GCLM: variants seen among roughly 807,000 people sequenced by gnomAD.
The protein encoded by GCLM is glutamate-cysteine ligase modifier subunit.
Under a neutral mutation model 36.0 loss-of-function variants are expected in GCLM, and 15 were observed. That is an observed-to-expected ratio of 0.42 (90% confidence interval 0.28 to 0.64). The LOEUF (loss-of-function observed/expected upper bound fraction) is 0.64. Ranked by LOEUF, GCLM falls within the 30% of genes least tolerant of loss-of-function variation. The pLI, the probability that GCLM is intolerant of heterozygous loss-of-function variation, is 0.25. For missense variants in GCLM, 242 were observed against 325.5 expected (o/e 0.74, Z 1.97); for synonymous variants, 129 against 122.8 (o/e 1.05, Z -0.34).
At chr1:93,900,293 G>T (rs1347116141) in intron 3 of GCLM, among the ~76,000 whole-genome samples, 1 of 152,122 alleles carries the variant, frequency 6.6e-6, no homozygotes, top group Admixed American at 6.6e-5. Context: ...TTTTGGATAG[G>T]TAGAAAGAGG....
At chr1:93,898,489 T>A (rs983696020) in intron 3 of GCLM, among the ~76,000 whole-genome samples, 1 of 152,072 alleles carries the variant, frequency 6.6e-6, no homozygotes, top group African/African-American at 2.4e-5. Flanking sequence ...TATTTAGTTA[T>A]CTTAAAATTT....
Position 93,896,839 on chromosome 1 carries a change from C to G in GCLM, c.338-19G>C. 1.4e-6 allele frequency: 2 copies of G among 1,413,870 alleles called. No individual in the cohort carries two copies. Among genetic ancestry groups the G allele is most frequent in the Non-Finnish European group, 2.0e-6 (2 of 997,778 alleles). The allele number at this position is 1,413,870 out of a possible 1,614,324, so 87.6% of individuals were successfully genotyped here. A position where few individuals can be genotyped will look rare whatever the true frequency, so the allele number is the denominator to read the frequency against. On this transcript the variant is annotated intron_variant, in intron 4 of 6. Transcript: ENST00000370238. The stretch of plus-strand genomic sequence containing the variant: ...GAACAGGCTGATAGGAAGGAAGACA[C>G]AAAGAAAATAAATGCTTACATCATA...
chr1:93,895,287 C>A (rs1045383992), intron 5 of GCLM, among the ~76,000 whole-genome samples: 27 of 151,852 alleles, frequency 1.8e-4, no homozygotes, highest in African/African-American at 5.3e-4. Context: ...AAGTGCTGGG[C>A]TTACAGGCAT....
At chr1:93,902,202 G>C (rs945973204) in intron 2 of GCLM, among the ~76,000 whole-genome samples, 5 of 152,126 alleles carry the variant, frequency 3.3e-5, no homozygotes, top group African/African-American at 1.2e-4. Context: ...TTTTGAGACA[G>C]AGTCTCGCTC....
rs140600912 is a variant in GCLM at position 93,898,850 on chromosome 1, C to T, written c.278-952G>A. Among the ~76,000 whole-genome samples the T allele has an allele frequency of 2.0e-5, 3 of 152,164 alleles. No individual in the cohort carries two copies. The East Asian group carries it at 5.8e-4, about 29-fold the overall frequency. Reference sequence around the variant, plus strand: ...TGTTGCCCAGGGGCTCTTGAACTCCCGGTCTCAAACAATCTTCCCAAGGTG... The same window carrying T: ...TGTTGCCCAGGGGCTCTTGAACTCCTGGTCTCAAACAATCTTCCCAAGGTG... On this transcript the variant is annotated intron_variant, in intron 3 of 6. Transcript: ENST00000370238.
rs754217749 is a variant in GCLM at position 93,901,655 on chromosome 1, G to A, written c.207C>T (p.Val69=). 1 of 1,535,842 alleles carries A rather than the reference G, an allele frequency of 6.5e-7. No individual in the cohort carries two copies. The highest frequency in any genetic ancestry group is 9.0e-7 in the Non-Finnish European group (1 of 1,112,900). ...NPDLVREFPD[V]LECTVSHAVE... ...CTGCATGAGATACAGTGCATTCCAA[G>A]ACATCTGGAAACTCCTATAATAAAC... is the stretch of plus-strand genomic sequence containing the variant. Residue 69 remains valine (V), a synonymous_variant, in exon 3 of 7, where the codon GTC becomes GTT. Transcript: ENST00000370238.
chr1:93,895,909 A>G (rs539985108), intron 5 of GCLM, among the ~76,000 whole-genome samples: 22 of 152,142 alleles, frequency 1.4e-4, no homozygotes, highest in Admixed American at 1.1e-3. Context: ...TCCCTTACTT[A>G]GGAAATTAGA....
chr1:93,900,979 C>T (rs1656927817), intron 3 of GCLM, among the ~76,000 whole-genome samples: 1 of 152,154 alleles, frequency 6.6e-6, no homozygotes, highest in Admixed American at 6.5e-5. Context: ...TTATACTAGC[C>T]TGTAATCTGC....
Position 93,894,732 on chromosome 1 carries a change from G to C in GCLM, c.541-4C>G. ...CTTGGTTACTATTTGGTTTTACCTA[G>C]AAGTGAAAATAAAATCATGATATCA... On this transcript the variant is annotated splice_polypyrimidine_tract_variant and splice_region_variant and intron_variant, in intron 5 of 6. Coordinates refer to ENST00000370238, the MANE Select transcript of GCLM (RefSeq NM_002061.4). The C allele has an allele frequency of 3.5e-6, 5 of 1,448,564 alleles. No individual in the cohort carries two copies. The highest frequency in any genetic ancestry group is 4.9e-6 in the Non-Finnish European group (5 of 1,030,094). 89.7% of individuals were successfully genotyped at this position (1,448,564 alleles called of 1,614,324 possible). A position where few individuals can be genotyped will look rare whatever the true frequency, so the allele number is the denominator to read the frequency against.
intron 2 of GCLM, 107 bp downstream of exon 2, chr1:93,904,416 T>C (rs1657070445): frequency 1.3e-6 from 1 of 742,398 alleles, no homozygotes; most frequent in African/African-American, 1.7e-5. Flanking sequence ...AGAGAGTTTA[T>C]GGCTAATTGC....
chr1:93,888,373 A>G lies in GCLM; in HGVS notation c.*617T>C, dbSNP rs1038807872. ...TCTTTATAAGTAATAAAAAGACAGA[A>G]TATGGCACAAGAATACAAGGTTAAA... On this transcript the variant is annotated 3_prime_UTR_variant, in exon 7 of 7. Coordinates refer to ENST00000370238, the MANE Select transcript of GCLM (RefSeq NM_002061.4). 1 of 152,222 alleles carries G rather than the reference A, an allele frequency of 6.6e-6. No individual in the cohort carries two copies. Among genetic ancestry groups the G allele is most frequent in the Non-Finnish European group, 1.5e-5 (1 of 68,028 alleles). 9.4% of individuals were successfully genotyped at this position (152,222 alleles called of 1,614,324 possible). A position where few individuals can be genotyped will look rare whatever the true frequency, so the allele number is the denominator to read the frequency against.
At position 93,886,669 on chromosome 1, in the gene GCLM, A is replaced by G. The variant is rs943670493; in HGVS notation, c.*2321T>C. ...AAAAGCTCTGCTGAAGTTTAGATAC[A>G]TTAGCAACTAAGTTTTTTTTTCCCC... On this transcript the variant is annotated 3_prime_UTR_variant, in exon 7 of 7. Transcript: ENST00000370238. 2.9e-5 allele frequency: 4 copies of G among 138,720 alleles called. No homozygotes were observed. The highest frequency in any genetic ancestry group is 1.5e-5 in the Non-Finnish European group (1 of 65,660). The allele number at this position is 138,720 out of a possible 1,614,324, so 8.6% of individuals were successfully genotyped here. A position where few individuals can be genotyped will look rare whatever the true frequency, so the allele number is the denominator to read the frequency against.
intron 6 of GCLM, among the ~76,000 whole-genome samples, chr1:93,892,906 G>A (rs114250934): frequency 2.0e-5 from 3 of 152,178 alleles, no homozygotes; most frequent in Non-Finnish European, 4.4e-5. Flanking sequence ...AAAGTAAACA[G>A]ACACATGACA....
chr1:93,893,989 G>A (rs1002742986), intron 6 of GCLM, among the ~76,000 whole-genome samples: 4 of 152,118 alleles, frequency 2.6e-5, no homozygotes, highest in African/African-American at 9.7e-5. Flanking sequence ...CAGGCACAGT[G>A]GCTCATGCCT....
chr1:93,887,798 A>G lies in GCLM; in HGVS notation c.*1192T>C, dbSNP rs1656377398. ...ACAAGAGATTTTTAAAGAAGTTTTC[A>G]AACTATTCAGGTTACAGACACAAAT... On this transcript the variant is annotated 3_prime_UTR_variant, in exon 7 of 7. Coordinates refer to ENST00000370238, the MANE Select transcript of GCLM (RefSeq NM_002061.4). The G allele has an allele frequency of 6.6e-6, 1 of 152,142 alleles. No individual in the cohort carries two copies. The highest frequency in any genetic ancestry group is 2.4e-5 in the African/African-American group (1 of 41,436). 9.4% of individuals were successfully genotyped at this position (152,142 alleles called of 1,614,324 possible).
Position 93,907,920 on chromosome 1 carries a change from G to GAGCA in GCLM, c.126+1114_126+1117dup, listed in dbSNP as rs545408175. On this transcript the variant is annotated intron_variant, in intron 1 of 6. Transcript: ENST00000370238. ...TCTGTTACCAACATCTCATAGAAGA[G>GAGCA]AGCAGAAACCACTTAGGAACACAGC... 1.7e-3 allele frequency among the ~76,000 whole-genome samples: 252 copies of GAGCA among 152,286 alleles called. 2 individuals carry two copies. The highest frequency in any genetic ancestry group is 8.3e-3 in the East Asian group (43 of 5,190).
intron 1 of GCLM, among the ~76,000 whole-genome samples, chr1:93,907,182 CCCCTTTT>C: frequency 6.6e-6 from 1 of 152,270 alleles, no homozygotes; most frequent in South Asian, 2.1e-4. Context: ...AAATGTGCCT[CCCCTTTT>C]GCTCTTACCA....
At chr1:93,909,006 G>A (rs1159246691) in intron 1 of GCLM, 32 bp downstream of exon 1, 8 of 1,425,962 alleles carry the variant, frequency 5.6e-6, no homozygotes, top group South Asian at 4.1e-5. Context: ...GGCCTGCCCC[G>A]GGAGCCCCGC....
intron 1 of GCLM, among the ~76,000 whole-genome samples, chr1:93,904,976 C>T (rs1260484599): frequency 2.6e-5 from 4 of 151,972 alleles, no homozygotes; most frequent in South Asian, 2.1e-4. Flanking sequence ...GAGTTCAAGA[C>T]CAGCCTGGCC....
Sources: gnomAD v4.1 joint callset for allele counts (sites outside exome capture counted in the v4.1 genomes callset) on GRCh38, gnomAD v4.1.1 for gene constraint, MANE v1.5 for transcripts, NCBI Gene and HGNC (gene_info 2026-07-23, HGNC 2026-07-21) for gene names.